PTPRD: variants seen among roughly 807,000 people sequenced by gnomAD.
The protein encoded by PTPRD is protein tyrosine phosphatase receptor type D, also known as receptor-type tyrosine-protein phosphatase delta.
A neutral mutation model predicts 214.5 loss-of-function variants in PTPRD; 34 were observed. That is an observed-to-expected ratio of 0.16 (90% CI 0.12 to 0.21). The LOEUF (loss-of-function observed/expected upper bound fraction) is 0.21, where lower values mean the gene tolerates loss of function less well. PTPRD is among the 10% of genes least tolerant of loss of function. The pLI, the probability that PTPRD is intolerant of heterozygous loss-of-function variation, is 1.00. For synonymous variants in PTPRD, 1,128 were observed against 845.7 expected, an observed-to-expected ratio of 1.33 and a Z score of -5.79; for missense variants, 2,545 against 2,398.7, an observed-to-expected ratio of 1.06 and a Z score of -1.27.
chr9:9,122,444 T>C (rs1372629183), intron 10 of PTPRD, among the ~76,000 whole-genome samples: 2 of 152,350 alleles, frequency 1.3e-5, no homozygotes, highest in East Asian at 1.9e-4. Context: ...AATTTATGAA[T>C]GCAGAATTAG....
At chr9:8,441,793 A>C (rs548787452) in intron 34 of PTPRD, among the ~76,000 whole-genome samples, 2 of 152,156 alleles carry the variant, frequency 1.3e-5, no homozygotes, top group Non-Finnish European at 2.9e-5. Flanking sequence ...AGAGGAGTTA[A>C]AGAACTCGAT....
intron 3 of PTPRD, among the ~76,000 whole-genome samples, chr9:10,269,180 GA>G (rs112836931): frequency 2.6e-5 from 4 of 151,632 alleles, no homozygotes; most frequent in South Asian, 2.1e-4. Flanking sequence ...AACACTCCAG[GA>G]AAAAAAATGC....
chr9:8,567,419 C>T (rs1485223264), intron 14 of PTPRD, among the ~76,000 whole-genome samples: 4 of 152,156 alleles, frequency 2.6e-5, no homozygotes, highest in Non-Finnish European at 4.4e-5. Flanking sequence ...ACGTGTCCTA[C>T]TCACCTGCTT....
intron 9 of PTPRD, among the ~76,000 whole-genome samples, chr9:9,394,452 C>T (rs1385078205): frequency 2.0e-5 from 3 of 152,126 alleles, no homozygotes; most frequent in Non-Finnish European, 4.4e-5. Context: ...GTTTACAGGA[C>T]ATGTATTGTG....
rs202009280 is a variant in PTPRD, at chr9:8,507,260, G to A, written c.1677+41C>T. 106 of 1,591,590 alleles carry A rather than the reference G, an allele frequency of 6.7e-5. 1 individual carries two copies. Among genetic ancestry groups the A allele is most frequent in the Middle Eastern group, 3.4e-4 (2 of 5,906 alleles). On this transcript the variant is annotated intron_variant, in intron 22 of 45. Coordinates refer to ENST00000381196, the MANE Select transcript of PTPRD (RefSeq NM_002839.4). The stretch of plus-strand genomic sequence containing the variant: ...CACAAAAATAAAAAAGTGGCCCCAC[G>A]TAATGAATAATTCCCAAGGTGAGAA...
At chr9:8,638,033 T>G (rs2096484736) in intron 12 of PTPRD, among the ~76,000 whole-genome samples, 1 of 152,038 alleles carries the variant, frequency 6.6e-6, no homozygotes, top group Non-Finnish European at 1.5e-5. Flanking sequence ...TCTTTTACAC[T>G]TCCTTGAGTT....
intron 2 of PTPRD, among the ~76,000 whole-genome samples, chr9:10,542,198 G>C (rs1381347135): frequency 1.3e-5 from 2 of 151,970 alleles, no homozygotes; most frequent in Non-Finnish European, 1.5e-5. Context: ...CAGCTGCTTT[G>C]TACTAAGAAT....
chr9:9,850,530 A>G (rs1334781115), intron 5 of PTPRD, among the ~76,000 whole-genome samples: 1 of 152,142 alleles, frequency 6.6e-6, no homozygotes, highest in Non-Finnish European at 1.5e-5. Flanking sequence ...GGGGAAGAGA[A>G]TATTTAATAT....
intron 10 of PTPRD, among the ~76,000 whole-genome samples, chr9:9,166,795 T>A (rs1479239488): frequency 6.6e-6 from 1 of 151,928 alleles, no homozygotes; most frequent in Non-Finnish European, 1.5e-5. Context: ...CCAAAAGAAA[T>A]CTTCAAAACC....
intron 3 of PTPRD, among the ~76,000 whole-genome samples, chr9:10,090,407 C>T (rs372606758): frequency 3.3e-5 from 5 of 151,198 alleles, no homozygotes; most frequent in Non-Finnish European, 5.9e-5. Flanking sequence ...CAGTGAGGGA[C>T]GTATATTGAT....
chr9:9,441,466 G>T (rs1482348865), intron 8 of PTPRD, among the ~76,000 whole-genome samples: 2 of 152,226 alleles, frequency 1.3e-5, no homozygotes, highest in Admixed American at 1.3e-4. Flanking sequence ...AAGTATTTGA[G>T]TTCAGCTGGA....
At chr9:9,730,186 T>A (rs2098164180) in intron 7 of PTPRD, among the ~76,000 whole-genome samples, 1 of 152,072 alleles carries the variant, frequency 6.6e-6, no homozygotes. Context: ...CAATACTACA[T>A]TTGAATTAAT....
rs2094682870 is a variant in PTPRD, at chr9:9,472,427, T to C, written c.-236-74945A>G. On this transcript the variant is annotated intron_variant, in intron 8 of 45. Coordinates refer to ENST00000381196, the MANE Select transcript of PTPRD (RefSeq NM_002839.4). ...ACCTTGTTAGCCAGGATGGTCTCGA[T>C]CTCCTGACCTCATGATCCACCCGCC... Among the ~76,000 whole-genome samples the C allele has an allele frequency of 2.0e-5, 3 of 151,786 alleles. No homozygotes were observed. The South Asian group carries it at 6.2e-4, about 32-fold the overall frequency.
chr9:10,425,300 C>G (rs904872733), intron 2 of PTPRD, among the ~76,000 whole-genome samples: 3 of 151,944 alleles, frequency 2.0e-5, no homozygotes, highest in African/African-American at 7.2e-5. Context: ...AATGTTTCAG[C>G]CTCAGTGTTG....
chr9:10,282,469 G>C (rs1443353836), intron 3 of PTPRD, among the ~76,000 whole-genome samples: 15 of 152,110 alleles, frequency 9.9e-5, no homozygotes, highest in Admixed American at 9.8e-4. Flanking sequence ...GGTTGAGTTA[G>C]ATGATTTCCC....
chr9:10,408,903 T>C (rs2098405092), intron 2 of PTPRD, among the ~76,000 whole-genome samples: 1 of 151,754 alleles, frequency 6.6e-6, no homozygotes, highest in Admixed American at 6.6e-5. Context: ...TTTCATCCTT[T>C]TGCTCATTAG....
intron 5 of PTPRD, among the ~76,000 whole-genome samples, chr9:9,835,466 T>C (rs1260443817): frequency 1.3e-5 from 2 of 152,130 alleles, no homozygotes; most frequent in Non-Finnish European, 2.9e-5. Context: ...GATACAGTGA[T>C]GTACATTGTA....
intron 2 of PTPRD, among the ~76,000 whole-genome samples, chr9:10,568,174 T>A (rs1374487658): frequency 3.5e-5 from 5 of 143,954 alleles, no homozygotes; most frequent in Non-Finnish European, 6.1e-5. Context: ...TGTCCATGTG[T>A]TCTCATTGTT....
chr9:8,557,277 T>G (rs1168191996), intron 14 of PTPRD, among the ~76,000 whole-genome samples: 1 of 151,836 alleles, frequency 6.6e-6, no homozygotes, highest in Non-Finnish European at 1.5e-5. Flanking sequence ...CTTCCTGAAA[T>G]CAACAGCTTG....
Sources: allele counts gnomAD v4.1 joint callset (sites outside exome capture counted in the v4.1 genomes callset), GRCh38; gene constraint gnomAD v4.1.1; transcripts MANE v1.5; gene names NCBI Gene and HGNC (gene_info 2026-07-23, HGNC 2026-07-21).